The following SYNE1 variants were observed in gnomAD, a reference collection of about 807,000 sequenced individuals.
The protein encoded by SYNE1 is nesprin-1.
A neutral mutation model predicts 1,111.0 loss-of-function variants in SYNE1; 616 were observed. The observed-to-expected ratio is 0.55, with a 90% CI of 0.52 to 0.59. The LOEUF (loss-of-function observed/expected upper bound fraction) is 0.59, where lower values mean the gene tolerates loss of function less well. Ranked by LOEUF, SYNE1 falls within the 20% of genes least tolerant of loss-of-function variation. The probability of loss-of-function intolerance (pLI) is 0.00; values close to 1 mark genes in which losing one functional copy is unlikely to be tolerated. For missense variants in SYNE1, 10,006 were observed against 10,417.0 expected, an observed-to-expected ratio of 0.96 and a Z score of 1.72; for synonymous variants, 3,855 against 3,825.8, an observed-to-expected ratio of 1.01 and a Z score of -0.28.
Position 152,122,010 on chromosome 6 carries a change from T to C in SYNE1, c.*426A>G, listed in dbSNP as rs560397595. The C allele has an allele frequency of 4.3e-6, 1 of 232,236 alleles. No individual in the cohort carries two copies. The highest frequency in any genetic ancestry group is 7.0e-5 in the South Asian group (1 of 14,218). 14.4% of individuals were successfully genotyped at this position (232,236 alleles called of 1,614,324 possible). ...CTAAAATCTCTTCAGCACTGGTTGG[T>C]TGGTAGATTGTACGACACTGACATG... On this transcript the variant is annotated 3_prime_UTR_variant, in exon 146 of 146. Coordinates refer to ENST00000367255, the MANE Select transcript of SYNE1 (RefSeq NM_182961.4).
chr6:152,423,998 C>T (rs6919762), intron 39 of SYNE1, among the ~76,000 whole-genome samples: 2,763 of 152,290 alleles, frequency 0.018, 75 homozygotes, highest in African/African-American at 0.062. Context: ...ATACTGAACA[C>T]TGCCTGAAAT....
Position 152,520,490 on chromosome 6 carries a change from C to T in SYNE1, c.278G>A (p.Gly93Asp). The T allele has an allele frequency of 6.2e-7, 1 of 1,613,582 alleles. No individual in the cohort carries two copies. The highest frequency in any genetic ancestry group is 8.5e-7 in the Non-Finnish European group (1 of 1,179,686). Residue 93 changes from glycine to aspartate, a missense_variant, in exon 6 of 146, where the codon GGC becomes GAC. By Grantham distance (94) the Gly-to-Asp change is moderately conservative (BLOSUM62 -1). Transcript: ENST00000367255. ...TCCTTCGAGGAACTTGAGTGCCGTG[C>T]CAATGTTAGCCACAGCATGGATTCG... ...MKRIHAVANI[G>D]TALKFLEGRK...
chr6:152,257,821 T>C (rs1445166774), intron 101 of SYNE1, among the ~76,000 whole-genome samples: 1 of 152,134 alleles, frequency 6.6e-6, no homozygotes, highest in African/African-American at 2.4e-5. Flanking sequence ...AGCAGAGATA[T>C]AATAAATATA....
rs1271895375 is a variant in SYNE1 at position 152,353,849 on chromosome 6, GTTTAT to G, written c.10927-110_10927-106del. The G allele has an allele frequency of 2.6e-5, 38 of 1,435,320 alleles. No homozygotes were observed. In the East Asian group the frequency reaches 8.4e-4, roughly 32 times the overall value. 88.9% of individuals were successfully genotyped at this position (1,435,320 alleles called of 1,614,324 possible). ...TGGTTTCAGTGTAGGTTTAGAAGAT[GTTTAT>G]TTTGAGATTTAATTTTGAAAATGCC... is the stretch of plus-strand genomic sequence containing the variant. On this transcript the variant is annotated intron_variant, in intron 67 of 145. Transcript: ENST00000367255.
At chr6:152,269,341 A>G (rs2093010378) in intron 98 of SYNE1, 55 bp from the exon 99 acceptor site, 1 of 1,612,578 alleles carries the variant, frequency 6.2e-7, no homozygotes, top group East Asian at 2.2e-5. Context: ...AACCTTAACC[A>G]AAGGGGAGAG....
At chr6:152,200,231 C>T (rs1315595460) in intron 127 of SYNE1, among the ~76,000 whole-genome samples, 3 of 152,158 alleles carry the variant, frequency 2.0e-5, no homozygotes, top group African/African-American at 7.2e-5. Flanking sequence ...CAGATATTTA[C>T]TGACTTTGAA....
At chr6:152,218,829 C>T (rs376659777) in intron 120 of SYNE1, among the ~76,000 whole-genome samples, 174 bp downstream of exon 120, 2 of 136,618 alleles carry the variant, frequency 1.5e-5, no homozygotes, top group East Asian at 1.9e-4. Flanking sequence ...CAGAGAACAG[C>T]GCAAAACGTC....
chr6:152,362,707 C>T (rs1316073177), intron 63 of SYNE1, among the ~76,000 whole-genome samples: 1 of 152,100 alleles, frequency 6.6e-6, no homozygotes, highest in Non-Finnish European at 1.5e-5. Context: ...TCAAACCGAG[C>T]AGGACATTGA....
intron 127 of SYNE1, among the ~76,000 whole-genome samples, chr6:152,190,258 T>A (rs925790085): frequency 2.6e-5 from 4 of 152,158 alleles, no homozygotes; most frequent in Non-Finnish European, 5.9e-5. Flanking sequence ...CTCAATCACA[T>A]CTTCAGGCTC....
chr6:152,514,947 C>A (rs1312691572), intron 6 of SYNE1, among the ~76,000 whole-genome samples: 1 of 152,122 alleles, frequency 6.6e-6, no homozygotes, highest in Admixed American at 6.5e-5. Context: ...TGAGACCAGG[C>A]GTGGTGGCTC....
chr6:152,504,535 C>T (rs1310675427), intron 9 of SYNE1, among the ~76,000 whole-genome samples: 3 of 152,192 alleles, frequency 2.0e-5, no homozygotes, highest in Non-Finnish European at 4.4e-5. Flanking sequence ...TACATTTCTG[C>T]ATTCACTGGT....
intron 4 of SYNE1, among the ~76,000 whole-genome samples, chr6:152,532,081 T>C (rs770614298): frequency 1.3e-5 from 2 of 152,218 alleles, no homozygotes; most frequent in Non-Finnish European, 2.9e-5. Context: ...AACTGACATA[T>C]TGTTTTACAT....
intron 137 of SYNE1, chr6:152,144,234 G>T: frequency 4.1e-6 from 1 of 242,288 alleles, no homozygotes; most frequent in Non-Finnish European, 8.2e-6. Context: ...ATAGTGTCAC[G>T]GAAGGCTCAG....
At chr6:152,157,585 T>C (rs1263581515) in intron 131 of SYNE1, among the ~76,000 whole-genome samples, 1 of 152,122 alleles carries the variant, frequency 6.6e-6, no homozygotes, top group African/African-American at 2.4e-5. Flanking sequence ...TCCCAACACA[T>C]AGAAATAATA....
intron 3 of SYNE1, among the ~76,000 whole-genome samples, chr6:152,627,480 A>AT (rs2099687998): frequency 6.8e-6 from 1 of 147,956 alleles, no homozygotes; most frequent in South Asian, 2.1e-4. Flanking sequence ...TGGTGAAACC[A>AT]TATCTCTACT....
At chr6:152,265,207 G>GAAAAAA (rs36042696) in intron 100 of SYNE1, among the ~76,000 whole-genome samples, 4 of 87,864 alleles carry the variant, frequency 4.6e-5, no homozygotes, top group African/African-American at 9.6e-5. Context: ...CTCTGTCTCA[G>GAAAAAA]AAAAAAAAAA....
In SYNE1 at chr6:152,202,807, G is replaced by A. The variant is rs538913731; in HGVS notation, c.23020-858C>T. 4.6e-5 allele frequency among the ~76,000 whole-genome samples: 7 copies of A among 152,214 alleles called. No individual in the cohort carries two copies. In the South Asian group the frequency reaches 1.5e-3, roughly 32 times the overall value. On this transcript the variant is annotated intron_variant, in intron 126 of 145. Coordinates refer to ENST00000367255, the MANE Select transcript of SYNE1 (RefSeq NM_182961.4). ...AAAAGAGGATATGGCATGTCTTACA[G>A]AAAGAGAAATATGCACTACAAAAGC...
chr6:152,293,858 A>T, intron 94 of SYNE1, 102 bp downstream of exon 94: 4 of 1,607,952 alleles, frequency 2.5e-6, no homozygotes, highest in Non-Finnish European at 3.4e-6. Flanking sequence ...AGGGTACTCA[A>T]CTGTGGACTG....
chr6:152,363,768 C>T (rs1445128640), intron 63 of SYNE1: 1 of 455,258 alleles, frequency 2.2e-6, no homozygotes, highest in African/African-American at 2.0e-5. Flanking sequence ...CACAGGGGAG[C>T]CTCACCCTGA....
Sources: allele counts gnomAD v4.1 joint callset (sites outside exome capture counted in the v4.1 genomes callset), GRCh38; gene constraint gnomAD v4.1.1; transcripts MANE v1.5; gene names NCBI Gene and HGNC (gene_info 2026-07-23, HGNC 2026-07-21).